BCL2: variants seen among roughly 807,000 people sequenced by gnomAD.
The protein encoded by BCL2 is BCL2 apoptosis regulator.
Under a neutral mutation model 14.2 loss-of-function variants are expected in BCL2, and 1 was observed. That is an observed-to-expected ratio of 0.07 (90% CI 0.02 to 0.33). The LOEUF is 0.33. Ranked by LOEUF, BCL2 falls within the 10% of genes least tolerant of loss-of-function variation. BCL2 has a pLI of 0.99. For missense variants in BCL2, 247 were observed against 305.9 expected (o/e 0.81, Z 1.44); for synonymous variants, 151 against 137.2 (o/e 1.10, Z -0.70).
Position 63,155,754 on chromosome 18 carries a change from A to G in BCL2, c.586-26995T>C, listed in dbSNP as rs370414368. Among the ~76,000 whole-genome samples, 130 of 152,156 alleles carry G rather than the reference A, an allele frequency of 8.5e-4. 5 individuals carry two copies. In the South Asian group the frequency reaches 0.026, roughly 31 times the overall value. ...AGGGCTGCTTGGCCAGATGCCAGGC[A>G]CTCTGCCAATTGCAGGCCCTGCAGA... On this transcript the variant is annotated intron_variant, in intron 2 of 2. Coordinates refer to ENST00000333681, the MANE Select transcript of BCL2 (RefSeq NM_000633.3).
intron 2 of BCL2, among the ~76,000 whole-genome samples, chr18:63,277,522 G>T (rs1165350072): frequency 1.3e-5 from 2 of 151,904 alleles, no homozygotes. Flanking sequence ...CAGTGCCTTG[G>T]GAGGCTGAGG....
Position 63,318,040 on chromosome 18 carries a change from C to A in BCL2, c.585+42G>T. ...CGCACTCCAACCCCCGCATCTCGGA[C>A]CTGTGGCCTCAGCCCAGACTCACAT... On this transcript the variant is annotated intron_variant, in intron 2 of 2. Transcript: ENST00000333681. This position sits in a 1 kb window ranked among gnomAD's most constrained non-coding sequence, Gnocchi z 7.4. 1 of 1,602,858 alleles carries A rather than the reference C, an allele frequency of 6.2e-7. No individual in the cohort carries two copies. Among genetic ancestry groups the A allele is most frequent in the Non-Finnish European group, 8.5e-7 (1 of 1,172,936 alleles).
chr18:63,299,988 GA>G (rs934730342), intron 2 of BCL2, among the ~76,000 whole-genome samples: 4 of 151,984 alleles, frequency 2.6e-5, no homozygotes, highest in African/African-American at 9.7e-5. Flanking sequence ...ATCATGTCCA[GA>G]AACCCAGTAG....
At chr18:63,147,823 T>C (rs1914549969) in intron 2 of BCL2, among the ~76,000 whole-genome samples, 1 of 152,218 alleles carries the variant, frequency 6.6e-6, no homozygotes. Flanking sequence ...CAAAGGAGTT[T>C]ATGGTTTTCA....
intron 2 of BCL2, among the ~76,000 whole-genome samples, chr18:63,231,878 T>C (rs1322235081): frequency 2.0e-5 from 3 of 152,024 alleles, no homozygotes; most frequent in Non-Finnish European, 4.4e-5. Context: ...AAGATAACTT[T>C]GAAAAAGAAT....
chr18:63,297,264 A>G (rs2144277446), intron 2 of BCL2, among the ~76,000 whole-genome samples: 1 of 152,346 alleles, frequency 6.6e-6, no homozygotes, highest in African/African-American at 2.4e-5. Context: ...GTAATTTTAA[A>G]TTTTTAGTGG....
intron 2 of BCL2, among the ~76,000 whole-genome samples, chr18:63,158,335 CT>C (rs1304907859): frequency 3.9e-5 from 6 of 152,180 alleles, no homozygotes; most frequent in African/African-American, 1.4e-4. Context: ...TAACCTGGTA[CT>C]TTTTACCTGG....
chr18:63,186,501 T>C (rs1448295412), intron 2 of BCL2, among the ~76,000 whole-genome samples: 1 of 152,256 alleles, frequency 6.6e-6, no homozygotes, highest in African/African-American at 2.4e-5. Flanking sequence ...TTCTTGAGTA[T>C]GAACCATATA....
At position 63,149,236 on chromosome 18, in the gene BCL2, C is replaced by G. The variant is rs1303801041; in HGVS notation, c.586-20477G>C. Among the ~76,000 whole-genome samples the G allele has an allele frequency of 1.3e-5, 2 of 152,214 alleles. No homozygotes were observed. Among genetic ancestry groups the G allele is most frequent in the African/African-American group, 4.8e-5 (2 of 41,436 alleles). On this transcript the variant is annotated intron_variant, in intron 2 of 2. Coordinates refer to ENST00000333681, the MANE Select transcript of BCL2 (RefSeq NM_000633.3). This position sits in a 1 kb window ranked among gnomAD's most constrained non-coding sequence, Gnocchi z 4.2. The stretch of plus-strand genomic sequence containing the variant: ...GGGATCATTTCAGGATGAAACTGTT[C>G]CAACACAGATCATCAGGCATTCGGT...
chr18:63,293,125 G>A (rs4987718), intron 2 of BCL2, among the ~76,000 whole-genome samples: 47,443 of 152,060 alleles, frequency 0.31, 9,278 homozygotes, highest in Non-Finnish European at 0.43. Flanking sequence ...CTCCCACCCC[G>A]CAGAGCCCAG....
At chr18:63,154,960 A>C (rs753989836) in intron 2 of BCL2, among the ~76,000 whole-genome samples, 3 of 152,186 alleles carry the variant, frequency 2.0e-5, no homozygotes, top group Non-Finnish European at 4.4e-5. Context: ...GAACCTCAGG[A>C]CCTTCTGGGA....
At chr18:63,139,544 A>G (rs1272162370) in intron 2 of BCL2, among the ~76,000 whole-genome samples, 2 of 152,192 alleles carry the variant, frequency 1.3e-5, no homozygotes, top group African/African-American at 4.8e-5. Context: ...TTAGTACTGA[A>G]TTCAAAGCAC....
At chr18:63,251,658 A>G (rs544272123) in intron 2 of BCL2, among the ~76,000 whole-genome samples, 120 of 151,062 alleles carry the variant, frequency 7.9e-4, no homozygotes, top group Non-Finnish European at 1.6e-3. Context: ...AAAAAAAAGA[A>G]AGAAAGAAAA....
Position 63,127,034 on chromosome 18 carries a change from A to ATT in BCL2, c.*1589_*1590dup. The stretch of plus-strand genomic sequence containing the variant: ...ACTTCTTTATAGTTCCCCACCATTG[A>ATT]TTTTTTTTTTAATGCCCCAGGATGT... On this transcript the variant is annotated 3_prime_UTR_variant, in exon 3 of 3. Coordinates refer to ENST00000333681, the MANE Select transcript of BCL2 (RefSeq NM_000633.3). 4.7e-6 allele frequency: 1 copy of ATT among 211,818 alleles called. No individual in the cohort carries two copies. The highest frequency in any genetic ancestry group is 9.5e-6 in the Non-Finnish European group (1 of 105,772). The allele number at this position is 211,818 out of a possible 1,614,324, so 13.1% of individuals were successfully genotyped here.
intron 2 of BCL2, among the ~76,000 whole-genome samples, chr18:63,182,068 C>A (rs528096611): frequency 6.6e-6 from 1 of 152,338 alleles, no homozygotes; most frequent in East Asian, 1.9e-4. Flanking sequence ...GCTCTGCCTT[C>A]CTCTTTCCTC....
chr18:63,294,514 C>CA (rs1199895030), intron 2 of BCL2, among the ~76,000 whole-genome samples: 1 of 151,752 alleles, frequency 6.6e-6, no homozygotes, highest in East Asian at 1.9e-4. Context: ...ACTAAAAATA[C>CA]AAAAAATTAG....
intron 2 of BCL2, among the ~76,000 whole-genome samples, chr18:63,301,581 T>C (rs1054652685): frequency 2.6e-5 from 4 of 152,228 alleles, no homozygotes; most frequent in African/African-American, 9.6e-5. Flanking sequence ...TAGTTCCTAG[T>C]TGTGATTCAC....
At chr18:63,258,498 A>G (rs1911550761) in intron 2 of BCL2, among the ~76,000 whole-genome samples, 1 of 152,202 alleles carries the variant, frequency 6.6e-6, no homozygotes, top group African/African-American at 2.4e-5. Context: ...TGGCTTTTTA[A>G]CCACACAGAT....
intron 2 of BCL2, among the ~76,000 whole-genome samples, chr18:63,129,997 T>A (rs2144585867): frequency 6.6e-6 from 1 of 152,228 alleles, no homozygotes; most frequent in South Asian, 2.1e-4. Context: ...ACAAAAAGTG[T>A]CTCCCTTCCA....
Sources: allele counts gnomAD v4.1 joint callset (sites outside exome capture counted in the v4.1 genomes callset), GRCh38; gene constraint gnomAD v4.1.1; non-coding constraint Gnocchi (gnomAD v3.1); transcripts MANE v1.5; gene names NCBI Gene and HGNC (gene_info 2026-07-23, HGNC 2026-07-21).